DLG2: variants seen among roughly 807,000 people sequenced by gnomAD.
DLG2 encodes discs large MAGUK scaffold protein 2.
Under a neutral mutation model 132.5 loss-of-function variants are expected in DLG2, and 45 were observed. The ratio of observed to expected loss-of-function variants is 0.34; its 90% CI spans 0.27 to 0.44. DLG2 has a LOEUF of 0.44. DLG2 is among the 20% of genes least tolerant of loss of function. The pLI is 1.00. For missense variants in DLG2, 1,045 were observed against 1,196.9 expected (o/e 0.87, Z 1.87); for synonymous variants, 424 against 419.6 (o/e 1.01, Z -0.13).
At chr11:84,755,243 C>T (rs2066701932) in intron 6 of DLG2, among the ~76,000 whole-genome samples, 1 of 152,184 alleles carries the variant, frequency 6.6e-6, no homozygotes, top group Non-Finnish European at 1.5e-5. Flanking sequence ...CAAGTACGTT[C>T]TGCACAGAAC....
chr11:84,026,553 A>G (rs1485285194), intron 11 of DLG2, among the ~76,000 whole-genome samples: 1 of 152,170 alleles, frequency 6.6e-6, no homozygotes, highest in Admixed American at 6.6e-5. Flanking sequence ...AATTATAAAT[A>G]AGTACTGTAA....
chr11:84,986,898 G>C (rs1304060742), intron 6 of DLG2, among the ~76,000 whole-genome samples: 1 of 152,110 alleles, frequency 6.6e-6, no homozygotes, highest in Admixed American at 6.6e-5. Context: ...CACAGTACTG[G>C]AAGTCCTAGC....
chr11:84,302,286 C>A (rs1009081923), intron 7 of DLG2, among the ~76,000 whole-genome samples: 3 of 152,006 alleles, frequency 2.0e-5, no homozygotes, highest in African/African-American at 7.3e-5. Flanking sequence ...CCATGGCACG[C>A]GTATACCTAT....
chr11:84,163,558 A>G, intron 8 of DLG2, 47 bp from the exon 9 acceptor site: 1 of 1,471,294 alleles, frequency 6.8e-7, no homozygotes, highest in South Asian at 1.2e-5. Flanking sequence ...ATACATGTTG[A>G]GGAGGAGACA....
chr11:85,489,933 G>T (rs2093518957), intron 3 of DLG2, among the ~76,000 whole-genome samples: 1 of 152,014 alleles, frequency 6.6e-6, no homozygotes, highest in Admixed American at 6.6e-5. Context: ...GTCCAGGTGT[G>T]GTGCAGCACT....
In DLG2 at chr11:85,583,130, G is replaced by GTATGTA. The variant is rs2078715565; in HGVS notation, c.40+15526_40+15527insTACATA. 2.2e-4 allele frequency among the ~76,000 whole-genome samples: 3 copies of GTATGTA among 13,598 alleles called. No individual in the cohort carries two copies. In the Admixed American group the frequency reaches 2.8e-3, roughly 13 times the overall value. The allele number at this position is 13,598 out of a possible 152,430, so 8.9% of individuals were successfully genotyped here. A position where few individuals can be genotyped will look rare whatever the true frequency, so the allele number is the denominator to read the frequency against. On this transcript the variant is annotated intron_variant, in intron 3 of 27. Transcript: ENST00000376104. ...TGTGTGTGTGTGTGTGTGTGTGTGT[G>GTATGTA]TATATATATATATATATATATATAT...
intron 7 of DLG2, among the ~76,000 whole-genome samples, chr11:84,336,172 T>C (rs1050302946): frequency 6.6e-6 from 1 of 152,192 alleles, no homozygotes; most frequent in Non-Finnish European, 1.5e-5. Context: ...GTTTGCCTAA[T>C]GGGTAATTCA....
intron 6 of DLG2, among the ~76,000 whole-genome samples, chr11:85,054,874 G>T (rs2063292762): frequency 6.6e-6 from 1 of 152,120 alleles, no homozygotes; most frequent in Admixed American, 6.5e-5. Context: ...CAGGGAGCAG[G>T]GGAGATAAGG....
intron 6 of DLG2, among the ~76,000 whole-genome samples, chr11:84,716,752 C>CT (rs889052117): frequency 1.6e-4 from 23 of 146,716 alleles, no homozygotes; most frequent in South Asian, 6.5e-4. Flanking sequence ...AATAGAAAAT[C>CT]TTTTTTTTTG....
At chr11:84,545,291 T>G in intron 6 of DLG2, 1 of 504,808 alleles carries the variant, frequency 2.0e-6, no homozygotes. Flanking sequence ...GAAGACTGAT[T>G]GTTGTAGCTG....
chr11:84,092,555 G>C (rs2097108038), intron 10 of DLG2, among the ~76,000 whole-genome samples: 1 of 152,124 alleles, frequency 6.6e-6, no homozygotes, highest in Admixed American at 6.6e-5. Context: ...ATGAGAAGTT[G>C]TTCTTTCAGG....
chr11:84,805,742 C>A (rs2075918325), intron 6 of DLG2, among the ~76,000 whole-genome samples: 1 of 152,170 alleles, frequency 6.6e-6, no homozygotes, highest in Admixed American at 6.5e-5. Flanking sequence ...AGAAGCCAAG[C>A]AGATGCTAGC....
chr11:85,474,143 C>G (rs1441525456), intron 3 of DLG2, among the ~76,000 whole-genome samples: 2 of 151,822 alleles, frequency 1.3e-5, no homozygotes, highest in Non-Finnish European at 3.0e-5. Flanking sequence ...AAAAAATTAA[C>G]CAAAATAGTT....
intron 18 of DLG2, among the ~76,000 whole-genome samples, chr11:83,718,207 A>G (rs2087251071): frequency 6.6e-6 from 1 of 152,200 alleles, no homozygotes; most frequent in Non-Finnish European, 1.5e-5. Context: ...ACGGCTTCTC[A>G]GAGCAGGACT....
chr11:84,085,520 A>G (rs2154161163), intron 10 of DLG2, among the ~76,000 whole-genome samples: 1 of 152,296 alleles, frequency 6.6e-6, no homozygotes, highest in Non-Finnish European at 1.5e-5. Context: ...AGCATTCTGA[A>G]CTTCTCAGGC....
chr11:85,222,257 T>C (rs1250764215), intron 4 of DLG2, among the ~76,000 whole-genome samples: 1 of 152,106 alleles, frequency 6.6e-6, no homozygotes, highest in Non-Finnish European at 1.5e-5. Context: ...TGAGCCACTG[T>C]GCCTGGCCCC....
chr11:84,464,866 C>A (rs1341264253), intron 7 of DLG2, among the ~76,000 whole-genome samples: 1 of 150,964 alleles, frequency 6.6e-6, no homozygotes, highest in Non-Finnish European at 1.5e-5. Flanking sequence ...TTTCTCCCAA[C>A]TCTTAAGCAA....
chr11:85,015,432 T>C lies in DLG2; in HGVS notation c.357+96229A>G, dbSNP rs549128375. Among the ~76,000 whole-genome samples, 629 of 149,402 alleles carry C rather than the reference T, an allele frequency of 4.2e-3. 2 individuals are homozygous for C. Among genetic ancestry groups the C allele is most frequent in the Non-Finnish European group, 6.8e-3 (461 of 67,360 alleles). Reference sequence around the variant, plus strand: ...TTATTTAAAAAAAAAAAAAAAAACTTGGCAAAACAGAAAAAAAAGCCAACT... The same window carrying C: ...TTATTTAAAAAAAAAAAAAAAAACTCGGCAAAACAGAAAAAAAAGCCAACT... On this transcript the variant is annotated intron_variant, in intron 6 of 27. Coordinates refer to ENST00000376104, the MANE Select transcript of DLG2 (RefSeq NM_001142699.3).
At chr11:83,867,631 G>A (rs1039235744) in intron 16 of DLG2, among the ~76,000 whole-genome samples, 1 of 152,000 alleles carries the variant, frequency 6.6e-6, no homozygotes, top group African/African-American at 2.4e-5. Flanking sequence ...TTGCTATTTT[G>A]TTAGTCCTTG....
Sources: allele counts gnomAD v4.1 joint callset (sites outside exome capture counted in the v4.1 genomes callset), GRCh38; gene constraint gnomAD v4.1.1; transcripts MANE v1.5; gene names NCBI Gene and HGNC (gene_info 2026-07-23, HGNC 2026-07-21).